Variants in DENND1A observed in about 807,000 individuals in gnomAD.
DENND1A encodes DENN domain containing 1A, also known as DENN domain-containing protein 1A.
A neutral mutation model predicts 113.7 loss-of-function variants in DENND1A; 51 were observed. The observed-to-expected ratio is 0.45, with a 90% CI of 0.36 to 0.57. DENND1A has a LOEUF of 0.57. DENND1A is among the 20% of genes least tolerant of loss of function. The pLI is 0.00. For missense variants in DENND1A, 1,258 were observed against 1,395.9 expected (o/e 0.90, Z 1.57); for synonymous variants, 565 against 570.8 (o/e 0.99, Z 0.14).
chr9:123,878,533 A>G (rs1847852577), intron 2 of DENND1A, among the ~76,000 whole-genome samples: 2 of 152,212 alleles, frequency 1.3e-5, no homozygotes, highest in Admixed American at 6.5e-5. Context: ...AAGTCCAAGC[A>G]TCTCCTTCTA....
intron 19 of DENND1A, among the ~76,000 whole-genome samples, chr9:123,421,478 A>G (rs1009123068): frequency 6.6e-6 from 1 of 152,132 alleles, no homozygotes; most frequent in Non-Finnish European, 1.5e-5. Context: ...CTCTCCCCAG[A>G]AAGTCCTCCC....
intron 5 of DENND1A, among the ~76,000 whole-genome samples, chr9:123,734,515 G>A (rs1258589837): frequency 1.3e-5 from 2 of 152,060 alleles, no homozygotes; most frequent in East Asian, 1.9e-4. Flanking sequence ...AACAATACAC[G>A]TTTCCTTAGC....
intron 1 of DENND1A, 37 bp downstream of exon 1, chr9:123,929,852 C>T: frequency 4.1e-6 from 1 of 243,570 alleles, no homozygotes; most frequent in Non-Finnish European, 7.5e-6. Context: ...CGCCGCCCCG[C>T]GCCCGGCCCG....
At chr9:123,860,953 A>T (rs901000877) in intron 2 of DENND1A, among the ~76,000 whole-genome samples, 3 of 152,216 alleles carry the variant, frequency 2.0e-5, no homozygotes, top group African/African-American at 7.2e-5. Context: ...TAAAGGCTGC[A>T]ATTAATTTAT....
At chr9:123,826,803 C>A (rs911843215) in intron 2 of DENND1A, among the ~76,000 whole-genome samples, 1 of 152,208 alleles carries the variant, frequency 6.6e-6, no homozygotes, top group South Asian at 2.1e-4. Context: ...CAACTAGATT[C>A]TCTTAGTGGG....
At chr9:123,910,468 G>A (rs1853752987) in intron 1 of DENND1A, among the ~76,000 whole-genome samples, 1 of 152,184 alleles carries the variant, frequency 6.6e-6, no homozygotes, top group Non-Finnish European at 1.5e-5. Flanking sequence ...AAATTCATAT[G>A]AAATGGATCA....
intron 13 of DENND1A, among the ~76,000 whole-genome samples, chr9:123,486,307 C>T (rs2050859054): frequency 6.6e-6 from 1 of 152,184 alleles, no homozygotes; most frequent in African/African-American, 2.4e-5. Flanking sequence ...GTCAAGGCTA[C>T]AGGAACAGAG....
chr9:123,796,788 CACAT>C (rs1833850790), intron 2 of DENND1A, among the ~76,000 whole-genome samples: 1 of 151,898 alleles, frequency 6.6e-6, no homozygotes, highest in Admixed American at 6.6e-5. Context: ...CACACACACA[CACAT>C]CTTACCAAAT....
rs1469890544 is a variant in DENND1A, at chr9:123,380,516, A to G, written c.*916T>C. 6.6e-6 allele frequency: 1 copy of G among 152,552 alleles called. No homozygotes were observed. The highest frequency in any genetic ancestry group is 2.1e-4 in the South Asian group (1 of 4,830). The allele number at this position is 152,552 out of a possible 1,614,324, so 9.4% of individuals were successfully genotyped here. On this transcript the variant is annotated 3_prime_UTR_variant, in exon 24 of 24. Coordinates refer to ENST00000394215, the MANE Select transcript of DENND1A (RefSeq NM_001352964.2). ...CCCAGGAAGGCCAGCTGCCTTCCAC[A>G]TCAGTCTGAGGCATTCAGCTTGACC...
chr9:123,756,190 T>C (rs1198498563), intron 5 of DENND1A, among the ~76,000 whole-genome samples: 1 of 152,078 alleles, frequency 6.6e-6, no homozygotes, highest in Non-Finnish European at 1.5e-5. Context: ...AGGATTACAG[T>C]CGTGAGCTAC....
chr9:123,472,277 A>G (rs1312466756), intron 13 of DENND1A, among the ~76,000 whole-genome samples: 1 of 151,826 alleles, frequency 6.6e-6, no homozygotes, highest in South Asian at 2.1e-4. Context: ...GGGGAGGGGG[A>G]GGCATAAAAA....
At chr9:123,551,108 G>A (rs538450781) in intron 13 of DENND1A, among the ~76,000 whole-genome samples, 2 of 152,314 alleles carry the variant, frequency 1.3e-5, no homozygotes, top group East Asian at 1.9e-4. Flanking sequence ...CATTTAAGTC[G>A]AGAAGGACAA....
At chr9:123,655,198 G>C (rs1483020869) in intron 8 of DENND1A, among the ~76,000 whole-genome samples, 1 of 152,102 alleles carries the variant, frequency 6.6e-6, no homozygotes, top group Non-Finnish European at 1.5e-5. Context: ...TGCTTCCATT[G>C]TCCCCATCTT....
chr9:123,428,961 C>A (rs558474162), intron 19 of DENND1A, among the ~76,000 whole-genome samples: 1 of 152,172 alleles, frequency 6.6e-6, no homozygotes, highest in Non-Finnish European at 1.5e-5. Context: ...AATGGCCATA[C>A]TACCCAAAGT....
At chr9:123,401,790 T>A in intron 21 of DENND1A, 1 of 1,614,196 alleles carries the variant, frequency 6.2e-7, no homozygotes, top group South Asian at 1.1e-5. Flanking sequence ...CTGCCCAGTC[T>A]GGAAAAGCAA....
Position 123,652,989 on chromosome 9 carries a change from G to T in DENND1A, c.508-866C>A, listed in dbSNP as rs140054878. ...ACATGAATATGCTAATTTCTTCAAT[G>T]TTACAGGTTTTCAATGCCATACAAT... On this transcript the variant is annotated intron_variant, in intron 8 of 23. Transcript: ENST00000394215. Among the ~76,000 whole-genome samples the T allele has an allele frequency of 8.5e-5, 13 of 152,256 alleles. No homozygotes were observed. The East Asian group carries it at 2.5e-3, about 29-fold the overall frequency.
intron 18 of DENND1A, among the ~76,000 whole-genome samples, chr9:123,444,337 T>C (rs1011641647): frequency 7.2e-5 from 11 of 152,226 alleles, no homozygotes. Flanking sequence ...AATGTATATA[T>C]GTCCATCAGA....
intron 2 of DENND1A, among the ~76,000 whole-genome samples, chr9:123,813,697 G>A (rs1837007632): frequency 1.3e-5 from 2 of 152,078 alleles, no homozygotes; most frequent in African/African-American, 4.8e-5. Context: ...AACAGATACT[G>A]GATTGTCTAA....
intron 3 of DENND1A, among the ~76,000 whole-genome samples, chr9:123,790,368 T>G (rs932792192): frequency 9.9e-5 from 15 of 151,754 alleles, no homozygotes; most frequent in African/African-American, 3.6e-4. Context: ...CATTAATCAT[T>G]TCTTGGGTTA....
Sources: allele counts gnomAD v4.1 joint callset (sites outside exome capture counted in the v4.1 genomes callset), GRCh38; gene constraint gnomAD v4.1.1; transcripts MANE v1.5; gene names NCBI Gene and HGNC (gene_info 2026-07-23, HGNC 2026-07-21).